CDH8: variants seen among roughly 807,000 people sequenced by gnomAD.
CDH8 encodes cadherin-8.
Under a neutral mutation model 68.1 loss-of-function variants are expected in CDH8, and 17 were observed. The observed-to-expected ratio is 0.25, with a 90% confidence interval of 0.17 to 0.37. CDH8 has a LOEUF of 0.37. Among genes scored for constraint, CDH8 ranks in the 10% least tolerant of loss-of-function variants. CDH8 has a pLI of 1.00. For missense variants in CDH8, 763 were observed against 999.3 expected (o/e 0.76, Z 3.19); for synonymous variants, 372 against 365.1 (o/e 1.02, Z -0.21).
intron 2 of CDH8, among the ~76,000 whole-genome samples, chr16:62,019,027 G>A (rs1435586966): frequency 6.6e-6 from 1 of 152,154 alleles, no homozygotes; most frequent in Non-Finnish European, 1.5e-5. Context: ...GGCATAGCAT[G>A]TTTTGTTATT....
chr16:61,674,480 C>T (rs1963859471), intron 10 of CDH8, among the ~76,000 whole-genome samples: 1 of 150,242 alleles, frequency 6.7e-6, no homozygotes, highest in Non-Finnish European at 1.5e-5. Context: ...AACCCTCACA[C>T]TGATTAGAAC....
chr16:61,815,119 G>C (rs1472306915), intron 7 of CDH8, among the ~76,000 whole-genome samples: 2 of 152,172 alleles, frequency 1.3e-5, no homozygotes, highest in Non-Finnish European at 2.9e-5. Context: ...CAGAAGCACA[G>C]ATATGCCTGT....
At chr16:61,960,823 C>A (rs2150571347) in intron 2 of CDH8, among the ~76,000 whole-genome samples, 1 of 152,098 alleles carries the variant, frequency 6.6e-6, no homozygotes, top group East Asian at 1.9e-4. Context: ...TATTGCCAGA[C>A]CTCTCGCTGC....
intron 8 of CDH8, among the ~76,000 whole-genome samples, chr16:61,766,328 A>G (rs2142978386): frequency 6.6e-6 from 1 of 152,056 alleles, no homozygotes. Context: ...TTTCTTTTTT[A>G]TGGCTGAGTA....
intron 2 of CDH8, among the ~76,000 whole-genome samples, chr16:61,952,537 G>A (rs980043986): frequency 1.3e-5 from 2 of 152,168 alleles, no homozygotes; most frequent in African/African-American, 4.8e-5. Flanking sequence ...TTGCTGAAAT[G>A]GCAGAGGAGG....
intron 2 of CDH8, among the ~76,000 whole-genome samples, chr16:61,955,955 A>G (rs1964981145): frequency 6.6e-6 from 1 of 152,242 alleles, no homozygotes; most frequent in Non-Finnish European, 1.5e-5. Flanking sequence ...ACAATTAAAC[A>G]AACAGGTAGA....
At chr16:61,936,140 AT>A (rs1459394688) in intron 2 of CDH8, among the ~76,000 whole-genome samples, 1 of 152,192 alleles carries the variant, frequency 6.6e-6, no homozygotes, top group Non-Finnish European at 1.5e-5. Flanking sequence ...CATTAAAAGA[AT>A]TTAAAGCATA....
chr16:61,881,168 A>G (rs1484622292), intron 3 of CDH8, among the ~76,000 whole-genome samples: 2 of 152,180 alleles, frequency 1.3e-5, no homozygotes, highest in Admixed American at 6.5e-5. Context: ...CCTAACCTAC[A>G]TAACTATGAG....
At chr16:61,818,031 T>C (rs1962120612) in intron 6 of CDH8, 1 of 245,504 alleles carries the variant, frequency 4.1e-6, no homozygotes, top group South Asian at 1.0e-4. Flanking sequence ...TTCAGAGTCA[T>C]AATAAAATTT....
At chr16:61,780,865 TA>T (rs1326068885) in intron 8 of CDH8, among the ~76,000 whole-genome samples, 1 of 152,218 alleles carries the variant, frequency 6.6e-6, no homozygotes, top group African/African-American at 2.4e-5. Flanking sequence ...ATTGTACACT[TA>T]AAGTTCTCAA....
intron 2 of CDH8, among the ~76,000 whole-genome samples, chr16:61,971,835 G>C (rs556731253): frequency 1.3e-5 from 2 of 152,242 alleles, no homozygotes; most frequent in East Asian, 1.9e-4. Flanking sequence ...GAGTTTAACT[G>C]TATGCCAGGA....
At chr16:61,777,875 T>C (rs1960940681) in intron 8 of CDH8, among the ~76,000 whole-genome samples, 1 of 152,118 alleles carries the variant, frequency 6.6e-6, no homozygotes, top group Non-Finnish European at 1.5e-5. Flanking sequence ...TGGATGCTGA[T>C]TCCCTCCCCA....
intron 8 of CDH8, among the ~76,000 whole-genome samples, chr16:61,744,725 A>G (rs1959969822): frequency 6.6e-6 from 1 of 151,396 alleles, no homozygotes; most frequent in Non-Finnish European, 1.5e-5. Flanking sequence ...TAGTGACAAC[A>G]CTAAATATAT....
chr16:61,745,095 C>G (rs965031873), intron 8 of CDH8, among the ~76,000 whole-genome samples: 1 of 148,230 alleles, frequency 6.7e-6, no homozygotes, highest in African/African-American at 2.5e-5. Flanking sequence ...TGCATTTTAT[C>G]AAGTTTTTTT....
At chr16:61,827,943 C>T (rs1345856351) in intron 4 of CDH8, among the ~76,000 whole-genome samples, 1 of 151,804 alleles carries the variant, frequency 6.6e-6, no homozygotes, top group East Asian at 1.9e-4. Flanking sequence ...GTGTAAGAGG[C>T]TTGTGAAACT....
chr16:61,783,710 G>A (rs998648644), intron 8 of CDH8, among the ~76,000 whole-genome samples: 1 of 151,414 alleles, frequency 6.6e-6, no homozygotes, highest in African/African-American at 2.4e-5. Flanking sequence ...ACCCTCAAAG[G>A]GAAGCCCATC....
intron 5 of CDH8, among the ~76,000 whole-genome samples, chr16:61,822,519 G>C (rs945703340): frequency 2.0e-5 from 3 of 151,580 alleles, no homozygotes; most frequent in Non-Finnish European, 4.4e-5. Context: ...ATAAACTAAG[G>C]CTCATTATAC....
intron 8 of CDH8, among the ~76,000 whole-genome samples, chr16:61,752,432 G>A (rs1409145562): frequency 1.3e-5 from 2 of 152,130 alleles, no homozygotes; most frequent in African/African-American, 4.8e-5. Context: ...TTACTGAATT[G>A]AGATAATATA....
At chr16:61,942,261 G>A (rs892816954) in intron 2 of CDH8, among the ~76,000 whole-genome samples, 6 of 152,060 alleles carry the variant, frequency 3.9e-5, no homozygotes, top group Non-Finnish European at 8.8e-5. Context: ...GGGAGATCAA[G>A]GTGAAAGGAT....
Sources: gnomAD v4.1 joint callset for allele counts (sites outside exome capture counted in the v4.1 genomes callset) on GRCh38, gnomAD v4.1.1 for gene constraint, MANE v1.5 for transcripts, NCBI Gene and HGNC (gene_info 2026-07-23, HGNC 2026-07-21) for gene names.